The following HHAT variants were observed in gnomAD, a reference collection of about 807,000 sequenced individuals.
HHAT encodes hedgehog acyltransferase.
In HHAT, 47 loss-of-function variants were observed where a neutral mutation model predicts 70.8. The observed-to-expected ratio is 0.66, with a 90% CI of 0.53 to 0.85. The LOEUF (loss-of-function observed/expected upper bound fraction) is 0.85. Ranked by LOEUF, HHAT falls within the 40% of genes least tolerant of loss-of-function variation. The pLI is 0.00. For synonymous variants in HHAT, 228 were observed against 247.6 expected (o/e 0.92, Z 0.74); for missense variants, 609 against 604.8 (o/e 1.01, Z -0.07).
intron 3 of HHAT, chr1:210,374,198 A>G (rs530204985): frequency 6.6e-6 from 1 of 152,164 alleles, no homozygotes; most frequent in South Asian, 2.1e-4. Flanking sequence ...CTTATAACTG[A>G]TTTGTTTCTC....
intron 3 of HHAT, among the ~76,000 whole-genome samples, chr1:210,366,238 T>C (rs1033183706): frequency 1.3e-5 from 2 of 152,162 alleles, no homozygotes; most frequent in Non-Finnish European, 2.9e-5. Flanking sequence ...ATTAGATGGC[T>C]GTTGTGGTGA....
At chr1:210,671,587 C>T (rs951701889) in intron 11 of HHAT, among the ~76,000 whole-genome samples, 1 of 152,110 alleles carries the variant, frequency 6.6e-6, no homozygotes, top group African/African-American at 2.4e-5. Flanking sequence ...ATGATTGGTG[C>T]CCTTGAGAGG....
At chr1:210,428,288 AT>A (rs2093131961) in intron 7 of HHAT, among the ~76,000 whole-genome samples, 1 of 50 alleles carries the variant, frequency 0.02, no homozygotes, top group Non-Finnish European at 0.042. Flanking sequence ...AGCTTATACT[AT>A]ATATATATAT....
intron 3 of HHAT, among the ~76,000 whole-genome samples, chr1:210,365,810 T>A (rs989567829): frequency 6.6e-6 from 1 of 151,866 alleles, no homozygotes; most frequent in East Asian, 1.9e-4. Context: ...GAGATGGGGT[T>A]TCACCACGTT....
chr1:210,541,171 GA>G (rs542561360), intron 9 of HHAT, among the ~76,000 whole-genome samples: 38,472 of 151,896 alleles, frequency 0.25, 5,184 homozygotes, highest in Middle Eastern at 0.34. Context: ...AAAAATATAA[GA>G]CAATATATTT....
chr1:210,348,736 C>CGTGTGCGTGTGTGTGTGTGT (rs1553317705), intron 1 of HHAT, among the ~76,000 whole-genome samples, 197 bp from the exon 2 acceptor site: 2 of 147,938 alleles, frequency 1.4e-5, no homozygotes, highest in African/African-American at 5.0e-5. Context: ...TGTATGTGTG[C>CGTGTGCGTGTGTGTGTGTGT]GTGTGTGTGT....
chr1:210,644,602 C>CAAAAAAAAAAAAA, intron 11 of HHAT, among the ~76,000 whole-genome samples: 1 of 64,026 alleles, frequency 1.6e-5, no homozygotes, highest in Non-Finnish European at 2.7e-5. Flanking sequence ...GACTCCATCT[C>CAAAAAAAAAAAAA]AAAAAAAAAA....
At chr1:210,517,456 T>C (rs1426841487) in intron 9 of HHAT, among the ~76,000 whole-genome samples, 5 of 151,066 alleles carry the variant, frequency 3.3e-5, no homozygotes, top group African/African-American at 1.2e-4. Flanking sequence ...GCACTGTCTC[T>C]TTTAAGACAA....
intron 7 of HHAT, among the ~76,000 whole-genome samples, chr1:210,434,496 T>C (rs1433168299): frequency 1.3e-5 from 2 of 151,820 alleles, no homozygotes; most frequent in African/African-American, 4.9e-5. Context: ...GGAAATGTTA[T>C]TAGATATAGT....
At chr1:210,580,457 A>T (rs1203814783) in intron 9 of HHAT, among the ~76,000 whole-genome samples, 1 of 149,724 alleles carries the variant, frequency 6.7e-6, no homozygotes, top group East Asian at 2.0e-4. Context: ...GGTTTGCTGC[A>T]CCTATTGACC....
chr1:210,394,058 C>A (rs1194270292), intron 4 of HHAT, among the ~76,000 whole-genome samples: 1 of 152,078 alleles, frequency 6.6e-6, no homozygotes, highest in African/African-American at 2.4e-5. Context: ...AAACTATAGG[C>A]AACACTATGC....
intron 1 of HHAT, among the ~76,000 whole-genome samples, chr1:210,334,160 T>C (rs970252691): frequency 6.8e-6 from 1 of 147,346 alleles, no homozygotes; most frequent in Non-Finnish European, 1.5e-5. Context: ...AAGTACTTGC[T>C]GGCCACTTTA....
At chr1:210,499,673 A>G (rs553784971) in intron 8 of HHAT, among the ~76,000 whole-genome samples, 2 of 152,222 alleles carry the variant, frequency 1.3e-5, no homozygotes, top group South Asian at 2.1e-4. Context: ...GGAAGGGAAA[A>G]TAGCCATATT....
At position 210,333,679 on chromosome 1, in the gene HHAT, A is replaced by G. The variant is rs1241264472; in HGVS notation, c.-44+4575A>G. ...ACTATGATTTTTTTTTTTTTCTGAG[A>G]CAGCGTCTCACTATGTCACACAGGA... On this transcript the variant is annotated intron_variant, in intron 1 of 11. Transcript: ENST00000261458. Among the ~76,000 whole-genome samples the G allele has an allele frequency of 2.0e-5, 3 of 150,546 alleles. No individual in the cohort carries two copies. The East Asian group carries it at 5.8e-4, about 29-fold the overall frequency.
At chr1:210,603,164 A>G (rs866897492) in intron 10 of HHAT, among the ~76,000 whole-genome samples, 28 of 152,300 alleles carry the variant, frequency 1.8e-4, no homozygotes, top group African/African-American at 5.8e-4. Context: ...TCCTGCTCCA[A>G]TCATCGGCTG....
rs1477743609 is a variant in HHAT at position 210,549,715 on chromosome 1, C to G, written c.1043+36527C>G. The stretch of plus-strand genomic sequence containing the variant: ...TTATGATAGGATAAAAATAAAGAAG[C>G]TGGGTACAGTGGTGTACGCCTGTAG... On this transcript the variant is annotated intron_variant, in intron 9 of 11. Transcript: ENST00000261458. 8.1e-5 allele frequency among the ~76,000 whole-genome samples: 12 copies of G among 148,346 alleles called. 2 individuals carry two copies. The highest frequency in any genetic ancestry group is 3.0e-4 in the African/African-American group (12 of 40,176).
intron 10 of HHAT, among the ~76,000 whole-genome samples, chr1:210,592,661 A>G (rs1189490212): frequency 2.0e-5 from 3 of 152,144 alleles, no homozygotes; most frequent in Non-Finnish European, 1.5e-5. Flanking sequence ...ATTTCAATCC[A>G]TGAACATGGA....
intron 9 of HHAT, among the ~76,000 whole-genome samples, chr1:210,521,293 CA>C (rs2095153651): frequency 6.6e-6 from 1 of 152,130 alleles, no homozygotes; most frequent in Non-Finnish European, 1.5e-5. Context: ...GCAGGTTTTC[CA>C]TGAAGTCTCA....
intron 9 of HHAT, among the ~76,000 whole-genome samples, chr1:210,583,699 A>G (rs780300793): frequency 6.6e-6 from 1 of 152,148 alleles, no homozygotes; most frequent in Non-Finnish European, 1.5e-5. Flanking sequence ...GAGACCTGCC[A>G]TATATGAATT....
Sources: allele counts gnomAD v4.1 joint callset (sites outside exome capture counted in the v4.1 genomes callset), GRCh38; gene constraint gnomAD v4.1.1; transcripts MANE v1.5; gene names NCBI Gene and HGNC (gene_info 2026-07-23, HGNC 2026-07-21).